Variants in WDFY4 observed in about 807,000 individuals in gnomAD.
WDFY4 encodes WDFY family member 4.
Under a neutral mutation model 351.9 loss-of-function variants are expected in WDFY4, and 169 were observed. That is an observed-to-expected ratio of 0.48 (90% CI 0.42 to 0.55). The LOEUF (loss-of-function observed/expected upper bound fraction) is 0.55, where lower values mean the gene tolerates loss of function less well. Among genes scored for constraint, WDFY4 ranks in the 20% least tolerant of loss-of-function variants. The pLI is 0.00. For synonymous variants in WDFY4, 1,622 were observed against 1,574.6 expected, an observed-to-expected ratio of 1.03 and a Z score of -0.71; for missense variants, 3,803 against 3,935.6, an observed-to-expected ratio of 0.97 and a Z score of 0.90.
chr10:48,732,648 C>T (rs146202725), intron 9 of WDFY4, among the ~76,000 whole-genome samples: 40 of 152,312 alleles, frequency 2.6e-4, no homozygotes, highest in African/African-American at 8.2e-4. Flanking sequence ...GTGTCTTCCT[C>T]GGTAAAACAG....
chr10:48,922,620 CAT>C, intron 47 of WDFY4, among the ~76,000 whole-genome samples: 1 of 152,108 alleles, frequency 6.6e-6, no homozygotes, highest in East Asian at 1.9e-4. Flanking sequence ...ATAGGAAAAA[CAT>C]AGTGTACTAT....
chr10:48,918,324 G>C (rs1589885233), intron 47 of WDFY4, among the ~76,000 whole-genome samples: 1 of 152,136 alleles, frequency 6.6e-6, no homozygotes, highest in East Asian at 1.9e-4. Flanking sequence ...CCAATTGTAT[G>C]TTGTCTATAA....
intron 40 of WDFY4, among the ~76,000 whole-genome samples, chr10:48,872,706 G>T (rs1220247551): frequency 6.6e-6 from 1 of 152,222 alleles, no homozygotes; most frequent in African/African-American, 2.4e-5. Flanking sequence ...GTCTATAAAT[G>T]CAGGTTGGGG....
intron 2 of WDFY4, 126 bp from the exon 3 acceptor site, chr10:48,719,885 T>C: frequency 1.2e-6 from 1 of 813,674 alleles, no homozygotes; most frequent in Non-Finnish European, 2.0e-6. Flanking sequence ...GTGGTGGCCT[T>C]TTGCATGCAC....
At chr10:48,881,808 T>C (rs1589805538) in intron 43 of WDFY4, among the ~76,000 whole-genome samples, 2 of 152,200 alleles carry the variant, frequency 1.3e-5, no homozygotes, top group South Asian at 4.2e-4. Context: ...CACAGTCCCA[T>C]GCCCATTCAC....
At chr10:48,907,734 C>T (rs1268186818) in intron 47 of WDFY4, among the ~76,000 whole-genome samples, 1 of 152,150 alleles carries the variant, frequency 6.6e-6, no homozygotes, top group African/African-American at 2.4e-5. Flanking sequence ...AGATTCATGC[C>T]ATTGGCTACA....
chr10:48,774,401 G>A, intron 13 of WDFY4, 57 bp from the exon 14 acceptor site: 3 of 1,535,056 alleles, frequency 2.0e-6, no homozygotes, highest in Non-Finnish European at 2.6e-6. Flanking sequence ...GCCTATAAAA[G>A]CTGTCCACAA....
At chr10:48,748,008 T>C (rs895446620) in intron 12 of WDFY4, among the ~76,000 whole-genome samples, 13 of 152,214 alleles carry the variant, frequency 8.5e-5, no homozygotes, top group African/African-American at 3.1e-4. Context: ...GATTCCCAGG[T>C]CCTGATTTTC....
chr10:48,798,019 A>G (rs1448897248), intron 24 of WDFY4, among the ~76,000 whole-genome samples: 2 of 152,236 alleles, frequency 1.3e-5, no homozygotes, highest in Non-Finnish European at 2.9e-5. Context: ...TAGTGGGATA[A>G]TGAGGACAGC....
intron 1 of WDFY4, among the ~76,000 whole-genome samples, chr10:48,698,359 T>C (rs1315595279): frequency 1.3e-5 from 2 of 152,212 alleles, no homozygotes; most frequent in African/African-American, 4.8e-5. Context: ...CTTGTGGCTG[T>C]GGCAGTGACA....
At chr10:48,897,839 G>A (rs773064844) in intron 45 of WDFY4, among the ~76,000 whole-genome samples, 1 of 152,240 alleles carries the variant, frequency 6.6e-6, no homozygotes, top group Non-Finnish European at 1.5e-5. Context: ...TAGCTGCTTC[G>A]CTGTTTTGCT....
At chr10:48,908,794 G>A (rs192726239) in intron 47 of WDFY4, among the ~76,000 whole-genome samples, 19 of 152,248 alleles carry the variant, frequency 1.2e-4, no homozygotes, top group Admixed American at 8.5e-4. Context: ...ATGTGTATGC[G>A]TAGCTCTTTG....
chr10:48,784,296 A>G (rs2066322180), intron 19 of WDFY4, among the ~76,000 whole-genome samples: 2 of 152,130 alleles, frequency 1.3e-5, no homozygotes, highest in African/African-American at 4.8e-5. Flanking sequence ...ATCATTTGAC[A>G]TTTCCGCTAA....
intron 30 of WDFY4, 151 bp downstream of exon 30, chr10:48,811,859 C>T (rs1565226654): frequency 1.2e-5 from 4 of 338,698 alleles, no homozygotes; most frequent in Non-Finnish European, 1.3e-5. Context: ...GCAGCCCACA[C>T]CCTTGGCCAG....
chr10:48,714,109 G>T (rs2063834934), intron 2 of WDFY4, among the ~76,000 whole-genome samples: 1 of 152,246 alleles, frequency 6.6e-6, no homozygotes, highest in Non-Finnish European at 1.5e-5. Flanking sequence ...TGAGGAAAGA[G>T]AGGCTTAGGG....
intron 1 of WDFY4, among the ~76,000 whole-genome samples, chr10:48,699,573 C>T (rs2063424115): frequency 1.3e-5 from 2 of 152,124 alleles, no homozygotes; most frequent in African/African-American, 2.4e-5. Context: ...GTTGCAGGCT[C>T]CTGCTCCCAG....
At chr10:48,790,657 G>GCTGTC in intron 22 of WDFY4, 70 bp from the exon 23 acceptor site, 1 of 1,500,222 alleles carries the variant, frequency 6.7e-7, no homozygotes, top group African/African-American at 1.4e-5. Flanking sequence ...GTCCTCCTGT[G>GCTGTC]CTGTCGGGGA....
Position 48,730,102 on chromosome 10 carries a change from A to T in WDFY4, c.1129+513A>T, listed in dbSNP as rs1478197326. Reference sequence around the variant, plus strand: ...TGCTGGAGAATCGGCTAAGAAATGCATCAGGCACAGCCATGACCCAGCTCA... The same window carrying T: ...TGCTGGAGAATCGGCTAAGAAATGCTTCAGGCACAGCCATGACCCAGCTCA... On this transcript the variant is annotated intron_variant, in intron 8 of 61. Transcript: ENST00000325239. Among the ~76,000 whole-genome samples, 5 of 152,356 alleles carry T rather than the reference A, an allele frequency of 3.3e-5. No homozygotes were observed. The East Asian group carries it at 9.7e-4, about 29-fold the overall frequency.
intron 44 of WDFY4, among the ~76,000 whole-genome samples, chr10:48,893,720 CT>C (rs1369156510): frequency 1.3e-5 from 2 of 152,200 alleles, no homozygotes; most frequent in Non-Finnish European, 2.9e-5. Context: ...AGTCAGGTAA[CT>C]TCAAATGTGG....
Sources: allele counts gnomAD v4.1 joint callset (sites outside exome capture counted in the v4.1 genomes callset), GRCh38; gene constraint gnomAD v4.1.1; transcripts MANE v1.5; gene names NCBI Gene and HGNC (gene_info 2026-07-23, HGNC 2026-07-21).